LGI1: variants seen among roughly 807,000 people sequenced by gnomAD.
LGI1 encodes the protein leucine-rich glioma-inactivated protein 1.
LGI1 carries 11 observed loss-of-function variants against 57.7 expected under a neutral mutation model. That is an observed-to-expected ratio of 0.19 (90% confidence interval 0.12 to 0.32). The LOEUF (loss-of-function observed/expected upper bound fraction) is 0.32. Among genes scored for constraint, LGI1 ranks in the 10% least tolerant of loss-of-function variants. LGI1 has a pLI of 1.00. For synonymous variants in LGI1, 222 were observed against 241.9 expected, an observed-to-expected ratio of 0.92 and a Z score of 0.76; for missense variants, 422 against 661.9, an observed-to-expected ratio of 0.64 and a Z score of 3.98.
At chr10:93,777,193 T>C (rs2059802709) in intron 2 of LGI1, 186 bp from the exon 3 acceptor site, 1 of 651,790 alleles carries the variant, frequency 1.5e-6, no homozygotes, top group Admixed American at 2.3e-5. Flanking sequence ...TGATGAGCCT[T>C]TGATGAGGAG....
intron 2 of LGI1, among the ~76,000 whole-genome samples, chr10:93,762,187 C>A (rs566533192): frequency 6.6e-6 from 1 of 152,148 alleles, no homozygotes; most frequent in Non-Finnish European, 1.5e-5. Context: ...AAACACTGCA[C>A]GTAAGAATCC....
chr10:93,762,797 A>T (rs2059637019), intron 2 of LGI1: 1 of 152,200 alleles, frequency 6.6e-6, no homozygotes, highest in African/African-American at 2.4e-5. Context: ...TTTATTTTAG[A>T]TTCGAGGGTC....
chr10:93,761,575 G>T (rs1020937269), intron 2 of LGI1, among the ~76,000 whole-genome samples: 1 of 152,036 alleles, frequency 6.6e-6, no homozygotes, highest in African/African-American at 2.4e-5. Flanking sequence ...GTCAGTCTGG[G>T]GTACTGAGGA....
At chr10:93,793,564 C>T (rs2059953948) in intron 7 of LGI1, among the ~76,000 whole-genome samples, 2 of 152,188 alleles carry the variant, frequency 1.3e-5, no homozygotes, top group Admixed American at 1.3e-4. Flanking sequence ...TTAATAAGAT[C>T]ATGTGAACAC....
At position 93,758,693 on chromosome 10, in the gene LGI1, G is replaced by A. The variant is rs2059590715; in HGVS notation, c.216-67G>A. Reference sequence around the variant, plus strand: ...GCTAAACCGGATTAACATAAGGTTTGTTCTGTGTGTGTGTGTCTCTTTGTG... The same window carrying A: ...GCTAAACCGGATTAACATAAGGTTTATTCTGTGTGTGTGTGTCTCTTTGTG... On this transcript the variant is annotated intron_variant, in intron 1 of 7. Coordinates refer to ENST00000371418, the MANE Select transcript of LGI1 (RefSeq NM_005097.4). This position sits in a 1 kb window ranked among gnomAD's most constrained non-coding sequence, Gnocchi z 4.7. The A allele has an allele frequency of 8.9e-7, 1 of 1,122,062 alleles. No individual in the cohort carries two copies. 69.5% of individuals were successfully genotyped at this position (1,122,062 alleles called of 1,614,324 possible).
chr10:93,763,502 T>G (rs1262456260), intron 2 of LGI1: 1 of 152,252 alleles, frequency 6.6e-6, no homozygotes, highest in Non-Finnish European at 1.5e-5. Flanking sequence ...TGTTTTCCCA[T>G]GTATTTGTTG....
At position 93,797,305 on chromosome 10, in the gene LGI1, G is replaced by C. The variant is rs768080880; in HGVS notation, c.1176G>C (p.Gln392His). 1.9e-6 allele frequency: 3 copies of C among 1,614,070 alleles called. No homozygotes were observed. The highest frequency in any genetic ancestry group is 2.5e-6 in the Non-Finnish European group (3 of 1,180,038). The change falls in exon 8 of 8, where the codon CAG (glutamine) becomes CAC (histidine). Residue 392 changes from glutamine (Q) to histidine (H), a missense_variant. Transcript: ENST00000371418. This position sits in a 1 kb window ranked among gnomAD's most constrained non-coding sequence, Gnocchi z 6.5. ...ATCTAGAAATAGTCAGAACACCTCA[G>C]ACACTCAGAACGCCTCATTTAATTC... ...VEYLEIVRTPQTLRTPHLILS... is the reference protein window; with the variant it reads ...VEYLEIVRTPHTLRTPHLILS...
intron 5 of LGI1, chr10:93,791,242 T>C (rs1255547799): frequency 3.3e-5 from 5 of 152,210 alleles, no homozygotes; most frequent in African/African-American, 9.7e-5. Context: ...TTATCCTCTC[T>C]GGTTTACAGT....
At chr10:93,760,550 A>G (rs1173472187) in intron 2 of LGI1, among the ~76,000 whole-genome samples, 1 of 152,236 alleles carries the variant, frequency 6.6e-6, no homozygotes, top group Non-Finnish European at 1.5e-5. Flanking sequence ...GTGTCAGTAG[A>G]CACTAGATGG....
intron 4 of LGI1, 87 bp downstream of exon 4, chr10:93,777,704 G>A: frequency 9.7e-7 from 1 of 1,034,440 alleles, no homozygotes; most frequent in East Asian, 2.5e-5. Context: ...TACTTTATGA[G>A]TGTCCATAAA....
chr10:93,769,637 CA>C (rs1448520413), intron 2 of LGI1: 10 of 152,212 alleles, frequency 6.6e-5, no homozygotes, highest in African/African-American at 2.4e-4. Context: ...CCTATTTTAA[CA>C]GATGATGAAA....
chr10:93,769,464 C>T (rs2059712473), intron 2 of LGI1: 2 of 152,310 alleles, frequency 1.3e-5, no homozygotes, highest in African/African-American at 4.8e-5. Context: ...CAGTTAAACA[C>T]GTGTTCTTTT....
chr10:93,797,407 T>C lies in LGI1; in HGVS notation c.1278T>C (p.Ile426=), dbSNP rs776762441. The C allele has an allele frequency of 4.3e-6, 7 of 1,614,186 alleles. No individual in the cohort carries two copies. The highest frequency in any genetic ancestry group is 1.1e-5 in the South Asian group (1 of 91,082). ...ATQLFTNQTD[I]PNMEDVYAVK... is the part of the protein sequence containing the mutation. ...AATTATTCACTAACCAAACTGACATTCCTAACATGGAGGATGTGTACGCAG... is the reference window on the plus strand; with the variant it reads ...AATTATTCACTAACCAAACTGACATCCCTAACATGGAGGATGTGTACGCAG... Residue 426 remains isoleucine, a synonymous_variant, in exon 8 of 8, where the codon ATT becomes ATC. Transcript: ENST00000371418. This position sits in a 1 kb window ranked among gnomAD's most constrained non-coding sequence, Gnocchi z 6.5.
chr10:93,792,632 G>A (rs2059946382), intron 5 of LGI1, 111 bp from the exon 6 acceptor site: 1 of 1,115,918 alleles, frequency 9.0e-7, no homozygotes, highest in African/African-American at 1.5e-5. Flanking sequence ...TTATAGGGCA[G>A]GATGCAACGC....
At chr10:93,767,751 A>G (rs1456478909) in intron 2 of LGI1, 2 of 152,206 alleles carry the variant, frequency 1.3e-5, no homozygotes, top group Non-Finnish European at 2.9e-5. Context: ...TACCTGGTCA[A>G]GCAATTTAGC....
intron 2 of LGI1, among the ~76,000 whole-genome samples, chr10:93,762,299 T>A (rs954776658): frequency 6.6e-6 from 1 of 152,172 alleles, no homozygotes; most frequent in Non-Finnish European, 1.5e-5. Flanking sequence ...AGCGTTATTT[T>A]AAAAATTAAT....
At chr10:93,781,775 G>A (rs1344701512) in intron 4 of LGI1, among the ~76,000 whole-genome samples, 1 of 152,160 alleles carries the variant, frequency 6.6e-6, no homozygotes, top group Non-Finnish European at 1.5e-5. Flanking sequence ...TAATACCTAT[G>A]AGTCTTTAGT....
chr10:93,768,988 T>G (rs1047687973), intron 2 of LGI1: 1 of 152,246 alleles, frequency 6.6e-6, no homozygotes, highest in Non-Finnish European at 1.5e-5. Flanking sequence ...TGTCAAATAA[T>G]GTACTTGTGT....
In LGI1 at chr10:93,758,053, G is replaced by T; in HGVS notation, c.-92G>T. On this transcript the variant is annotated 5_prime_UTR_variant, in exon 1 of 8. Transcript: ENST00000371418. The surrounding 1 kb of genome is among the most constrained non-coding windows in gnomAD (Gnocchi z 4.7). ...AGAGATACAGAGGCAGAGGAAAAGG[G>T]TGGACTCCTATGTGACCTGTTCTTA... 1 of 1,095,474 alleles carries T rather than the reference G, an allele frequency of 9.1e-7. No individual in the cohort carries two copies. The highest frequency in any genetic ancestry group is 1.9e-5 in the Admixed American group (1 of 53,092). 67.9% of individuals were successfully genotyped at this position (1,095,474 alleles called of 1,614,324 possible).
Sources: allele counts gnomAD v4.1 joint callset (sites outside exome capture counted in the v4.1 genomes callset), GRCh38; gene constraint gnomAD v4.1.1; non-coding constraint Gnocchi (gnomAD v3.1); transcripts MANE v1.5; gene names NCBI Gene and HGNC (gene_info 2026-07-23, HGNC 2026-07-21).